DPYD: variants seen among roughly 807,000 people sequenced by gnomAD.
DPYD encodes dihydropyrimidine dehydrogenase.
Under a neutral mutation model 116.2 loss-of-function variants are expected in DPYD, and 109 were observed. That is an observed-to-expected ratio of 0.94 (90% CI 0.80 to 1.10). DPYD has a LOEUF of 1.10. DPYD is among the 50% of genes least tolerant of loss of function. The probability of loss-of-function intolerance (pLI) is 0.00; values close to 1 mark genes in which losing one functional copy is unlikely to be tolerated. For synonymous variants in DPYD, 440 were observed against 432.0 expected (o/e 1.02, Z -0.23); for missense variants, 1,302 against 1,254.5 (o/e 1.04, Z -0.57).
intron 19 of DPYD, among the ~76,000 whole-genome samples, chr1:97,225,051 A>G (rs555720954): frequency 1.8e-4 from 24 of 132,838 alleles, no homozygotes; most frequent in African/African-American, 6.7e-4. Context: ...CTATCTATCT[A>G]TCTATCTGTC....
At chr1:97,770,519 A>G (rs1393213572) in intron 3 of DPYD, among the ~76,000 whole-genome samples, 1 of 152,212 alleles carries the variant, frequency 6.6e-6, no homozygotes, top group Non-Finnish European at 1.5e-5. Flanking sequence ...AAGGAGAAAA[A>G]CTGTTTGGAA....
intron 14 of DPYD, among the ~76,000 whole-genome samples, chr1:97,445,186 G>C (rs781388763): frequency 6.6e-6 from 1 of 152,180 alleles, no homozygotes; most frequent in African/African-American, 2.4e-5. Flanking sequence ...CTACAGATTT[G>C]ATTGGACAAG....
chr1:97,492,343 T>C (rs982794709), intron 13 of DPYD, among the ~76,000 whole-genome samples: 1 of 152,140 alleles, frequency 6.6e-6, no homozygotes, highest in Non-Finnish European at 1.5e-5. Flanking sequence ...CTGGTCCTTG[T>C]CAAAATATTT....
chr1:97,638,749 C>A (rs1421264086), intron 8 of DPYD, among the ~76,000 whole-genome samples: 1 of 151,898 alleles, frequency 6.6e-6, no homozygotes, highest in Non-Finnish European at 1.5e-5. Context: ...AGAGAGAGAG[C>A]AAGAGAGAAA....
At chr1:97,449,925 C>A (rs374122409) in intron 14 of DPYD, 134 bp downstream of exon 14, 29 of 1,123,290 alleles carry the variant, frequency 2.6e-5, no homozygotes, top group East Asian at 2.1e-4. Flanking sequence ...TCTTTCTATG[C>A]ATCAGCAAAG....
chr1:97,368,694 A>G (rs1457870278), intron 16 of DPYD, among the ~76,000 whole-genome samples: 1 of 152,222 alleles, frequency 6.6e-6, no homozygotes, highest in Non-Finnish European at 1.5e-5. Context: ...GAGGTTCAGT[A>G]GAACTCCTGG....
chr1:97,737,076 G>T (rs915016293), intron 4 of DPYD, among the ~76,000 whole-genome samples: 1 of 151,892 alleles, frequency 6.6e-6, no homozygotes, highest in Non-Finnish European at 1.5e-5. Context: ...TCTACTTTCC[G>T]TTTCTATATA....
intron 3 of DPYD, among the ~76,000 whole-genome samples, chr1:97,787,881 C>T (rs1667123824): frequency 6.6e-6 from 1 of 152,178 alleles, no homozygotes; most frequent in Non-Finnish European, 1.5e-5. Flanking sequence ...TTATTGGTCA[C>T]CTGCTGCATA....
chr1:97,334,609 C>A (rs551095262), intron 16 of DPYD, among the ~76,000 whole-genome samples: 1 of 152,318 alleles, frequency 6.6e-6, no homozygotes, highest in African/African-American at 2.4e-5. Context: ...AGAGTAGGGA[C>A]TGCAACTTGC....
At chr1:97,888,159 T>C (rs530924009) in intron 1 of DPYD, among the ~76,000 whole-genome samples, 1 of 152,128 alleles carries the variant, frequency 6.6e-6, no homozygotes, top group Non-Finnish European at 1.5e-5. Context: ...TATAAATCAC[T>C]TAAATTATTT....
chr1:97,428,252 A>G (rs1017788403), intron 14 of DPYD, among the ~76,000 whole-genome samples: 4 of 152,112 alleles, frequency 2.6e-5, no homozygotes, highest in Non-Finnish European at 5.9e-5. Flanking sequence ...GTTCTTCAAG[A>G]TCATGGTACA....
intron 13 of DPYD, among the ~76,000 whole-genome samples, chr1:97,484,863 A>C (rs1355636805): frequency 6.6e-6 from 1 of 152,146 alleles, no homozygotes; most frequent in Non-Finnish European, 1.5e-5. Flanking sequence ...GTTTCTCTGC[A>C]CTGATTATTT....
At chr1:97,435,876 T>G (rs926273074) in intron 14 of DPYD, among the ~76,000 whole-genome samples, 7 of 151,892 alleles carry the variant, frequency 4.6e-5, no homozygotes, top group Admixed American at 2.0e-4. Flanking sequence ...AATATATAGT[T>G]ATCAATAAGC....
At chr1:97,548,333 C>T (rs1651055533) in intron 12 of DPYD, among the ~76,000 whole-genome samples, 1 of 152,190 alleles carries the variant, frequency 6.6e-6, no homozygotes, top group African/African-American at 2.4e-5. Context: ...CTGGTAGTTA[C>T]ACTTTTCTTC....
At chr1:97,182,405 G>T (rs1454551229) in intron 20 of DPYD, among the ~76,000 whole-genome samples, 1 of 151,936 alleles carries the variant, frequency 6.6e-6, no homozygotes, top group Non-Finnish European at 1.5e-5. Context: ...CTGGTGTTTT[G>T]TTTTTTATTT....
chr1:97,127,938 G>C (rs1329559824), intron 20 of DPYD, among the ~76,000 whole-genome samples: 5 of 152,062 alleles, frequency 3.3e-5, no homozygotes, highest in African/African-American at 1.2e-4. Flanking sequence ...TGTATGTATT[G>C]CTAATCTTGC....
chr1:97,786,259 TTGA>T (rs1373206889), intron 3 of DPYD, among the ~76,000 whole-genome samples: 2 of 152,178 alleles, frequency 1.3e-5, no homozygotes, highest in Non-Finnish European at 2.9e-5. Context: ...TCTAACAAAC[TTGA>T]TGATTGGTGC....
At chr1:97,468,781 T>C (rs1011094763) in intron 13 of DPYD, among the ~76,000 whole-genome samples, 10 of 152,214 alleles carry the variant, frequency 6.6e-5, no homozygotes, top group African/African-American at 2.4e-4. Context: ...CAAAGATGAC[T>C]ACAGAGGGTG....
chr1:97,795,108 G>T (rs1208176455), intron 3 of DPYD, among the ~76,000 whole-genome samples: 3 of 151,948 alleles, frequency 2.0e-5, no homozygotes, highest in African/African-American at 4.8e-5. Context: ...TAACTAATGG[G>T]ATGAGCACAG....
Sources: allele counts gnomAD v4.1 joint callset (sites outside exome capture counted in the v4.1 genomes callset), GRCh38; gene constraint gnomAD v4.1.1; transcripts MANE v1.5; gene names NCBI Gene and HGNC (gene_info 2026-07-23, HGNC 2026-07-21).